The following NFXL1 variants were observed in gnomAD, a reference collection of about 807,000 sequenced individuals.
The protein encoded by NFXL1 is NF-X1-type zinc finger protein NFXL1.
A neutral mutation model predicts 123.3 loss-of-function variants in NFXL1; 66 were observed. The observed-to-expected ratio is 0.54, with a 90% confidence interval of 0.44 to 0.66. The LOEUF (loss-of-function observed/expected upper bound fraction) is 0.66, where lower values mean the gene tolerates loss of function less well. Ranked by LOEUF, NFXL1 falls within the 30% of genes least tolerant of loss-of-function variation. NFXL1 has a pLI of 0.00. For missense variants in NFXL1, 944 were observed against 1,125.6 expected (o/e 0.84, Z 2.31); for synonymous variants, 346 against 360.8 (o/e 0.96, Z 0.46).
At chr4:47,906,505 C>T (rs904346514) in intron 3 of NFXL1, among the ~76,000 whole-genome samples, 9 of 151,902 alleles carry the variant, frequency 5.9e-5, no homozygotes, top group African/African-American at 1.5e-4. Flanking sequence ...GCAAAATAAA[C>T]GCAAACATAC....
chr4:47,912,660 C>T (rs1237197979), intron 2 of NFXL1, among the ~76,000 whole-genome samples: 1 of 147,822 alleles, frequency 6.8e-6, no homozygotes, highest in Non-Finnish European at 1.5e-5. Context: ...GGGTTTCACC[C>T]TGTTAGCCAG....
chr4:47,852,525 G>A (rs1302333951), intron 20 of NFXL1, among the ~76,000 whole-genome samples: 1 of 152,064 alleles, frequency 6.6e-6, no homozygotes, highest in Non-Finnish European at 1.5e-5. Flanking sequence ...GTTTTCTGGG[G>A]AGCTACAAAT....
At chr4:47,896,403 A>G in intron 10 of NFXL1, 120 bp downstream of exon 10, 1 of 693,522 alleles carries the variant, frequency 1.4e-6, no homozygotes, top group Admixed American at 2.7e-5. Context: ...CACTAAATTC[A>G]TATACATCAT....
chr4:47,881,295 A>T (rs1473057420), intron 15 of NFXL1, among the ~76,000 whole-genome samples: 1 of 152,208 alleles, frequency 6.6e-6, no homozygotes, highest in African/African-American at 2.4e-5. Flanking sequence ...GTACTGAAAC[A>T]GCATTACATT....
At chr4:47,878,916 G>A (rs1313211458) in intron 16 of NFXL1, among the ~76,000 whole-genome samples, 180 bp downstream of exon 16, 1 of 151,994 alleles carries the variant, frequency 6.6e-6, no homozygotes, top group African/African-American at 2.4e-5. Flanking sequence ...ATATCCACAG[G>A]CTAATTCTCA....
At chr4:47,870,067 C>T (rs1256476759) in intron 18 of NFXL1, among the ~76,000 whole-genome samples, 2 of 152,028 alleles carry the variant, frequency 1.3e-5, no homozygotes, top group Non-Finnish European at 2.9e-5. Flanking sequence ...AAACAACACA[C>T]ACACATCAGG....
chr4:47,911,372 G>A (rs1173637956), intron 2 of NFXL1, among the ~76,000 whole-genome samples: 2 of 152,130 alleles, frequency 1.3e-5, no homozygotes, highest in Non-Finnish European at 2.9e-5. Context: ...AAGAAGTGAG[G>A]GAACATGTCC....
At chr4:47,908,848 G>A (rs748937678) in intron 3 of NFXL1, among the ~76,000 whole-genome samples, 3 of 151,472 alleles carry the variant, frequency 2.0e-5, no homozygotes, top group Non-Finnish European at 2.9e-5. Context: ...CCAGCTACTC[G>A]GGAGGCTGAG....
At position 47,890,745 on chromosome 4, in the gene NFXL1, C is replaced by A. The variant is rs761540451; in HGVS notation, c.1453-42G>T. On this transcript the variant is annotated intron_variant, in intron 11 of 22. Transcript: ENST00000507489. ...ATATAAAGAACAGGTAATTCAAAAA[C>A]CCATGAATAATAGGCATGTCATTAC... 2.6e-6 allele frequency: 3 copies of A among 1,139,342 alleles called. No individual in the cohort carries two copies. In the African/African-American group the frequency reaches 4.6e-5, roughly 17 times the overall value. The allele number at this position is 1,139,342 out of a possible 1,614,324, so 70.6% of individuals were successfully genotyped here. A position where few individuals can be genotyped will look rare whatever the true frequency, so the allele number is the denominator to read the frequency against.
chr4:47,878,123 T>G (rs989089198), intron 17 of NFXL1, among the ~76,000 whole-genome samples: 4 of 152,084 alleles, frequency 2.6e-5, no homozygotes, highest in Admixed American at 2.6e-4. Context: ...ATGAACATCA[T>G]CCATCCTGTG....
At chr4:47,904,493 G>T (rs1035773762) in intron 4 of NFXL1, among the ~76,000 whole-genome samples, 7 of 152,178 alleles carry the variant, frequency 4.6e-5, no homozygotes, top group Non-Finnish European at 7.3e-5. Flanking sequence ...AAACCAACTA[G>T]ATGTGACTCT....
At chr4:47,883,443 T>C (rs888463223) in intron 15 of NFXL1, among the ~76,000 whole-genome samples, 16 of 152,152 alleles carry the variant, frequency 1.1e-4, no homozygotes, top group African/African-American at 3.9e-4. Flanking sequence ...TTCCTCATGA[T>C]TATAACTTAA....
intron 18 of NFXL1, among the ~76,000 whole-genome samples, chr4:47,873,098 C>T (rs964130509): frequency 4.6e-5 from 7 of 152,222 alleles, no homozygotes; most frequent in Non-Finnish European, 8.8e-5. Context: ...CCATTAGAAG[C>T]AACTTCTCAT....
Position 47,885,916 on chromosome 4 carries a change from G to T in NFXL1, c.1627C>A (p.Arg543Ser). 6.2e-7 allele frequency: 1 copy of T among 1,613,408 alleles called. No individual in the cohort carries two copies. Among genetic ancestry groups the T allele is most frequent in the South Asian group, 1.1e-5 (1 of 91,062 alleles). ...TTGCACTTGGGTGGTCTTGTGGTACGTTCTCGGCCACAGGGCACTGTCACC... is the reference window on the plus strand; with the variant it reads ...TTGCACTTGGGTGGTCTTGTGGTACTTTCTCGGCCACAGGGCACTGTCACC... Reference protein sequence around the residue: ...TKVTVPCGRERTTRPPKCKEQ... With the variant: ...TKVTVPCGRESTTRPPKCKEQ... Residue 543 changes from arginine (R) to serine (S), a missense_variant, in exon 13 of 23, where the codon CGT becomes AGT. Transcript: ENST00000507489.
In NFXL1 at chr4:47,884,411, C is replaced by T. The variant is rs1736304485; in HGVS notation, c.1851G>A (p.Gln617=). The stretch of plus-strand genomic sequence containing the variant: ...TCTGAATAAATGCTGGCTCAGAAGG[C>T]TGTTCCCAAGGGCCTGTAGGCTGGT... ...GRHQPTGPWE[Q]PSEPAFIQTA... Residue 617 remains glutamine, a synonymous_variant, in exon 15 of 23, where the codon CAG becomes CAA. Transcript: ENST00000507489. 4 of 1,611,126 alleles carry T rather than the reference C, an allele frequency of 2.5e-6. No individual in the cohort carries two copies. The highest frequency in any genetic ancestry group is 2.7e-5 in the African/African-American group (2 of 74,852).
In NFXL1 at chr4:47,852,282, C is replaced by G. The variant is rs1034014626; in HGVS notation, c.2422-340G>C. On this transcript the variant is annotated intron_variant, in intron 20 of 22. Transcript: ENST00000507489. ...AGTGTCCAGGGAATACAATGTTCTA[C>G]AAATGTGCTGTCCAACAGAGCTTCC... 3.3e-5 allele frequency: 7 copies of G among 215,222 alleles called. No individual in the cohort carries two copies. The Admixed American group carries it at 3.4e-4, about 10-fold the overall frequency. The allele number at this position is 215,222 out of a possible 1,614,324, so 13.3% of individuals were successfully genotyped here.
At position 47,899,068 on chromosome 4, in the gene NFXL1, T is replaced by C. The variant is rs781618502; in HGVS notation, c.879A>G (p.Lys293=). 1 of 1,613,070 alleles carries C rather than the reference T, an allele frequency of 6.2e-7. No individual in the cohort carries two copies. ...KMVTTTCYCK[K]AKPIPRRCSA... is the part of the protein sequence containing the mutation. ...TGCACCTACGAGGGATAGGTTTTGC[T>C]TTCTTACAGTAACAAGTAGTTGTGA... The change falls in exon 7 of 23, where the codon AAA becomes AAG. Residue 293 remains lysine, a synonymous_variant. Coordinates refer to ENST00000507489, the MANE Select transcript of NFXL1 (RefSeq NM_001278624.2).
chr4:47,862,927 A>G lies in NFXL1; in HGVS notation c.2247-12T>C, dbSNP rs752407769. The G allele has an allele frequency of 1.4e-6, 2 of 1,477,840 alleles. No homozygotes were observed. The highest frequency in any genetic ancestry group is 1.3e-5 in the South Asian group (1 of 79,790). The allele number at this position is 1,477,840 out of a possible 1,614,324, so 91.5% of individuals were successfully genotyped here. ...CTGTGGTTATTTTTCTAAAAATAAG[A>G]AAGTTGATGACATTCAAACAAAAAT... On this transcript the variant is annotated splice_polypyrimidine_tract_variant and intron_variant, in intron 18 of 22. Coordinates refer to ENST00000507489, the MANE Select transcript of NFXL1 (RefSeq NM_001278624.2).
intron 19 of NFXL1, among the ~76,000 whole-genome samples, chr4:47,860,726 G>A (rs559082679): frequency 6.6e-6 from 1 of 152,342 alleles, no homozygotes; most frequent in African/African-American, 2.4e-5. Flanking sequence ...CTTCTTGGCT[G>A]ACACTGGTTC....
Sources: gnomAD v4.1 joint callset for allele counts (sites outside exome capture counted in the v4.1 genomes callset) on GRCh38, gnomAD v4.1.1 for gene constraint, MANE v1.5 for transcripts, NCBI Gene and HGNC (gene_info 2026-07-23, HGNC 2026-07-21) for gene names.